SUGCT: variants seen among roughly 807,000 people sequenced by gnomAD.
SUGCT encodes the protein succinyl-CoA:glutarate CoA-transferase.
SUGCT carries 41 observed loss-of-function variants against 55.0 expected under a neutral mutation model. The ratio of observed to expected loss-of-function variants is 0.74; its 90% CI spans 0.58 to 0.97. The LOEUF (loss-of-function observed/expected upper bound fraction) is 0.97, where lower values mean the gene tolerates loss of function less well. Ranked by LOEUF, SUGCT falls within the 50% of genes least tolerant of loss-of-function variation. The probability of loss-of-function intolerance (pLI) is 0.00; values close to 1 mark genes in which losing one functional copy is unlikely to be tolerated. For synonymous variants in SUGCT, 187 were observed against 200.4 expected, an observed-to-expected ratio of 0.93 and a Z score of 0.56; for missense variants, 568 against 547.8, an observed-to-expected ratio of 1.04 and a Z score of -0.37.
At chr7:40,998,542 C>T in the SUGCT span, among the ~76,000 whole-genome samples, 2 of 152,092 alleles carry the variant, frequency 1.3e-5, no homozygotes, top group African/African-American at 4.8e-5. Flanking sequence ...GCTCTTGTGC[C>T]CAGCAGTCAT....
chr7:40,836,788 C>T (rs955070153), intron 13 of SUGCT, among the ~76,000 whole-genome samples: 14 of 152,164 alleles, frequency 9.2e-5, no homozygotes, highest in African/African-American at 3.4e-4. Flanking sequence ...GTCAATAGTT[C>T]ATTCCTTTCA....
chr7:41,032,064 G>C, the SUGCT span, among the ~76,000 whole-genome samples: 2 of 152,254 alleles, frequency 1.3e-5, no homozygotes, highest in East Asian at 1.9e-4. Flanking sequence ...CATGCTAAAA[G>C]CTGGGGGATT....
At chr7:40,469,527 AAAAG>A (rs1199767005) in intron 11 of SUGCT, among the ~76,000 whole-genome samples, 1 of 152,202 alleles carries the variant, frequency 6.6e-6, no homozygotes, top group Non-Finnish European at 1.5e-5. Context: ...CCCGGAGGGT[AAAAG>A]AAAGAAAGAA....
chr7:40,207,074 C>T (rs998015946), intron 6 of SUGCT, among the ~76,000 whole-genome samples: 1 of 151,988 alleles, frequency 6.6e-6, no homozygotes, highest in African/African-American at 2.4e-5. Flanking sequence ...TGGTGCGCAC[C>T]TGTGGTCCCA....
chr7:40,864,284 G>A (rs1794542601), downstream of SUGCT, among the ~76,000 whole-genome samples: 2 of 152,132 alleles, frequency 1.3e-5, no homozygotes, highest in Admixed American at 1.3e-4. Context: ...AACCTCCCAA[G>A]TAGCTGGGAC....
At chr7:40,151,233 C>A (rs1325918463) in intron 1 of SUGCT, among the ~76,000 whole-genome samples, 1 of 152,104 alleles carries the variant, frequency 6.6e-6, no homozygotes, top group African/African-American at 2.4e-5. Context: ...AGTGAGACTC[C>A]GTCTCTAAAA....
the SUGCT span, among the ~76,000 whole-genome samples, chr7:40,926,615 A>T: frequency 3.3e-5 from 5 of 152,156 alleles, no homozygotes; most frequent in Non-Finnish European, 5.9e-5. Context: ...TCAGTCCCTC[A>T]TGGTGAGATT....
chr7:40,841,749 G>A (rs1793292111), intron 13 of SUGCT, among the ~76,000 whole-genome samples: 1 of 152,154 alleles, frequency 6.6e-6, no homozygotes, highest in Non-Finnish European at 1.5e-5. Flanking sequence ...TTCCCACTCA[G>A]CATGGGCTGA....
At chr7:40,834,663 C>T (rs1412011120) in intron 13 of SUGCT, among the ~76,000 whole-genome samples, 1 of 152,076 alleles carries the variant, frequency 6.6e-6, no homozygotes, top group Non-Finnish European at 1.5e-5. Context: ...AGTTATTTGA[C>T]TAGAGATATA....
the SUGCT span, among the ~76,000 whole-genome samples, chr7:40,977,780 G>A: frequency 6.6e-6 from 1 of 152,138 alleles, no homozygotes; most frequent in Non-Finnish European, 1.5e-5. Flanking sequence ...ATTAATTAGA[G>A]CCAAACTGCA....
chr7:40,272,589 A>G (rs1000375727), intron 7 of SUGCT, among the ~76,000 whole-genome samples: 11 of 148,936 alleles, frequency 7.4e-5, no homozygotes, highest in African/African-American at 2.5e-4. Context: ...TTCGTGATTG[A>G]TTTTCTTCTT....
chr7:40,553,901 C>T (rs1253537156), intron 12 of SUGCT, among the ~76,000 whole-genome samples: 1 of 152,216 alleles, frequency 6.6e-6, no homozygotes, highest in Admixed American at 6.5e-5. Context: ...GTGGGCTAAC[C>T]TGGCACCTAA....
At chr7:40,498,139 T>C (rs1187429328) in intron 12 of SUGCT, among the ~76,000 whole-genome samples, 2 of 152,120 alleles carry the variant, frequency 1.3e-5, no homozygotes, top group Admixed American at 1.3e-4. Flanking sequence ...ATGGAGAAAA[T>C]TTATATTACC....
the SUGCT span, among the ~76,000 whole-genome samples, chr7:41,024,468 A>G: frequency 8.5e-5 from 13 of 152,352 alleles, no homozygotes; most frequent in Non-Finnish European, 1.3e-4. Flanking sequence ...ATCCATATCT[A>G]GAACTTATAA....
the SUGCT span, among the ~76,000 whole-genome samples, chr7:40,904,254 G>GGGAGGCT: frequency 6.6e-6 from 1 of 152,142 alleles, no homozygotes; most frequent in Non-Finnish European, 1.5e-5. Flanking sequence ...CAGGACGCCA[G>GGGAGGCT]GGAGGCTGTT....
intron 13 of SUGCT, among the ~76,000 whole-genome samples, chr7:40,815,341 C>T (rs1256499146): frequency 6.6e-6 from 1 of 152,220 alleles, no homozygotes; most frequent in African/African-American, 2.4e-5. Context: ...GGCCTAAGTT[C>T]TCTATGTGGG....
intron 12 of SUGCT, among the ~76,000 whole-genome samples, chr7:40,499,827 A>T (rs1424314956): frequency 6.6e-6 from 1 of 152,224 alleles, no homozygotes; most frequent in African/African-American, 2.4e-5. Flanking sequence ...ATTGTGCAGT[A>T]CATTAAAGGA....
At chr7:40,488,557 AC>A (rs1307276321) in intron 11 of SUGCT, among the ~76,000 whole-genome samples, 1 of 152,096 alleles carries the variant, frequency 6.6e-6, no homozygotes, top group Admixed American at 6.6e-5. Flanking sequence ...TTGTGTACTT[AC>A]TTTTATCAGT....
At chr7:40,648,504 T>G (rs955704411) in intron 12 of SUGCT, among the ~76,000 whole-genome samples, 1 of 152,184 alleles carries the variant, frequency 6.6e-6, no homozygotes, top group Non-Finnish European at 1.5e-5. Context: ...TACGTTGAAG[T>G]CCTAACCCCT....
Sources: allele counts gnomAD v4.1 joint callset (sites outside exome capture counted in the v4.1 genomes callset), GRCh38; gene constraint gnomAD v4.1.1; transcripts MANE v1.5; gene names NCBI Gene and HGNC (gene_info 2026-07-23, HGNC 2026-07-21).